TAFA1: variants seen among roughly 807,000 people sequenced by gnomAD.
TAFA1 encodes the protein chemokine-like protein TAFA-1.
Under a neutral mutation model 18.5 loss-of-function variants are expected in TAFA1, and 4 were observed. That is an observed-to-expected ratio of 0.22 (90% CI 0.11 to 0.49). TAFA1 has a LOEUF of 0.49. TAFA1 is among the 20% of genes least tolerant of loss of function. TAFA1 has a pLI of 0.98. For missense variants in TAFA1, 147 were observed against 169.0 expected, an observed-to-expected ratio of 0.87 and a Z score of 0.72; for synonymous variants, 56 against 55.2, an observed-to-expected ratio of 1.01 and a Z score of -0.06.
intron 2 of TAFA1, among the ~76,000 whole-genome samples, chr3:68,232,202 C>T (rs1187043723): frequency 1.3e-5 from 2 of 152,190 alleles, no homozygotes; most frequent in Non-Finnish European, 2.9e-5. Flanking sequence ...TAATCAACCT[C>T]TCCCTATCCT....
intron 2 of TAFA1, among the ~76,000 whole-genome samples, chr3:68,379,943 T>A (rs990921198): frequency 1.4e-5 from 2 of 148,070 alleles, no homozygotes; most frequent in Non-Finnish European, 3.0e-5. Context: ...CAGTCCCCAA[T>A]GTGTGATGTT....
chr3:68,132,985 G>T (rs535300315), intron 2 of TAFA1, among the ~76,000 whole-genome samples: 34 of 152,262 alleles, frequency 2.2e-4, no homozygotes, highest in African/African-American at 7.9e-4. Context: ...TTCTGCTAGG[G>T]TTTTTATAGT....
intron 3 of TAFA1, among the ~76,000 whole-genome samples, chr3:68,511,893 G>T (rs1331638013): frequency 6.6e-6 from 1 of 151,924 alleles, no homozygotes; most frequent in Non-Finnish European, 1.5e-5. Flanking sequence ...TATAAATGAT[G>T]ATAATGGCCA....
chr3:68,438,778 C>A (rs2071310697), intron 3 of TAFA1, among the ~76,000 whole-genome samples: 1 of 152,154 alleles, frequency 6.6e-6, no homozygotes, highest in African/African-American at 2.4e-5. Flanking sequence ...AGAATTAGCA[C>A]CACTTTGGTG....
chr3:68,392,562 T>G (rs1055976427), intron 2 of TAFA1, among the ~76,000 whole-genome samples: 1 of 152,272 alleles, frequency 6.6e-6, no homozygotes, highest in Admixed American at 6.5e-5. Flanking sequence ...ATATACGTTC[T>G]TCTCAGCACC....
chr3:68,475,551 G>T (rs950464523), intron 3 of TAFA1, among the ~76,000 whole-genome samples: 2 of 152,156 alleles, frequency 1.3e-5, no homozygotes, highest in African/African-American at 4.8e-5. Context: ...TCTTAATCCA[G>T]TCTATCATTG....
intron 2 of TAFA1, among the ~76,000 whole-genome samples, chr3:68,132,803 A>C (rs1286138597): frequency 6.6e-6 from 1 of 152,110 alleles, no homozygotes; most frequent in Non-Finnish European, 1.5e-5. Flanking sequence ...TAGATTAGAA[A>C]ACTTTTCTCC....
intron 2 of TAFA1, among the ~76,000 whole-genome samples, chr3:68,196,154 A>C (rs1483876509): frequency 6.6e-6 from 1 of 151,776 alleles, no homozygotes; most frequent in Non-Finnish European, 1.5e-5. Context: ...TGCCCTTTGC[A>C]TCTGTGTATA....
intron 4 of TAFA1, among the ~76,000 whole-genome samples, chr3:68,543,364 G>A (rs763782250): frequency 1.3e-5 from 2 of 152,100 alleles, no homozygotes; most frequent in Non-Finnish European, 2.9e-5. Context: ...AACATAATCT[G>A]GTGTCATATC....
At chr3:68,357,028 T>C (rs1355452078) in intron 2 of TAFA1, among the ~76,000 whole-genome samples, 1 of 151,936 alleles carries the variant, frequency 6.6e-6, no homozygotes, top group African/African-American at 2.4e-5. Context: ...TTAAGGTTGA[T>C]GTCACTATGG....
At chr3:68,187,477 C>T (rs1165847400) in intron 2 of TAFA1, among the ~76,000 whole-genome samples, 1 of 151,986 alleles carries the variant, frequency 6.6e-6, no homozygotes, top group Non-Finnish European at 1.5e-5. Context: ...ATTGTGGCTT[C>T]ACTTGTTCAA....
At chr3:68,161,465 T>G (rs1458887650) in intron 2 of TAFA1, among the ~76,000 whole-genome samples, 1 of 152,190 alleles carries the variant, frequency 6.6e-6, no homozygotes. Context: ...TTAGAAACTC[T>G]AGGGCCCAGA....
At chr3:68,092,362 GA>G (rs1229007022) in intron 2 of TAFA1, among the ~76,000 whole-genome samples, 1 of 152,044 alleles carries the variant, frequency 6.6e-6, no homozygotes, top group African/African-American at 2.4e-5. Flanking sequence ...TTGTTATAGA[GA>G]AAAAGTCAGA....
chr3:68,249,959 CCAAA>C (rs1189325643), intron 2 of TAFA1, among the ~76,000 whole-genome samples: 1 of 152,120 alleles, frequency 6.6e-6, no homozygotes, highest in Non-Finnish European at 1.5e-5. Context: ...TAGAATAGCA[CCAAA>C]CAATGAAAAA....
the TAFA1 span, among the ~76,000 whole-genome samples, chr3:67,997,891 A>G: frequency 6.6e-6 from 1 of 152,132 alleles, no homozygotes; most frequent in African/African-American, 2.4e-5. Context: ...GAAGTTGAAT[A>G]TTTCAAGAAA....
At chr3:68,000,595 T>G (rs1281050267), upstream of TAFA1, among the ~76,000 whole-genome samples, 1 of 152,202 alleles carries the variant, frequency 6.6e-6, no homozygotes, top group Non-Finnish European at 1.5e-5. Context: ...TTATTTTAAA[T>G]GCAGTGGGAA....
At chr3:68,376,795 C>T (rs1043892160) in intron 2 of TAFA1, among the ~76,000 whole-genome samples, 1 of 151,984 alleles carries the variant, frequency 6.6e-6, no homozygotes, top group African/African-American at 2.4e-5. Context: ...GCTCTGTGTC[C>T]CCACCCAAAT....
At chr3:68,434,837 A>T (rs957232023) in intron 3 of TAFA1, among the ~76,000 whole-genome samples, 1 of 152,110 alleles carries the variant, frequency 6.6e-6, no homozygotes, top group African/African-American at 2.4e-5. Flanking sequence ...CAAGAGAAAC[A>T]TGTCTAATAC....
intron 3 of TAFA1, among the ~76,000 whole-genome samples, chr3:68,446,581 C>T (rs140711307): frequency 7.9e-5 from 12 of 152,126 alleles, no homozygotes; most frequent in African/African-American, 2.9e-4. Context: ...ATTGAATTAC[C>T]CACTTCAGTA....
Sources: allele counts gnomAD v4.1 joint callset (sites outside exome capture counted in the v4.1 genomes callset), GRCh38; gene constraint gnomAD v4.1.1; transcripts MANE v1.5; gene names NCBI Gene and HGNC (gene_info 2026-07-23, HGNC 2026-07-21).